BMPER: variants seen among roughly 807,000 people sequenced by gnomAD.
The protein encoded by BMPER is BMP binding endothelial regulator.
BMPER carries 45 observed loss-of-function variants against 87.3 expected under a neutral mutation model. That is an observed-to-expected ratio of 0.52 (90% CI 0.41 to 0.66). The LOEUF (loss-of-function observed/expected upper bound fraction) is 0.66, where lower values mean the gene tolerates loss of function less well. BMPER is among the 30% of genes least tolerant of loss of function. The pLI, the probability that BMPER is intolerant of heterozygous loss-of-function variation, is 0.00. For missense variants in BMPER, 784 were observed against 867.5 expected (o/e 0.90, Z 1.21); for synonymous variants, 326 against 316.2 (o/e 1.03, Z -0.33).
chr7:34,143,865 AT>A (rs1191784431), intron 14 of BMPER, among the ~76,000 whole-genome samples: 1 of 152,176 alleles, frequency 6.6e-6, no homozygotes, highest in Non-Finnish European at 1.5e-5. Flanking sequence ...GTAAAATGGA[AT>A]TCTTTATTCA....
At chr7:34,058,232 A>G (rs775116986) in intron 10 of BMPER, 69 bp downstream of exon 10, 126 of 1,425,368 alleles carry the variant, frequency 8.8e-5, no homozygotes, top group Non-Finnish European at 1.2e-4. Flanking sequence ...GCACAGTCGC[A>G]TGCCATCTTC....
Position 34,153,584 on chromosome 7 carries a change from G to C in BMPER, c.*311G>C. On this transcript the variant is annotated 3_prime_UTR_variant, in exon 15 of 15. Transcript: ENST00000649409. The stretch of plus-strand genomic sequence containing the variant: ...AATAAGGTGGCATGCAGATACATTG[G>C]ATAGTGTTAACATCACATACATTTG... 3 of 309,562 alleles carry C rather than the reference G, an allele frequency of 9.7e-6. No individual in the cohort carries two copies. In the South Asian group the frequency reaches 1.1e-4, roughly 11 times the overall value. 19.2% of individuals were successfully genotyped at this position (309,562 alleles called of 1,614,324 possible).
At chr7:33,905,767 G>GGGGGGGGGGGC in intron 1 of BMPER, 21 bp downstream of exon 1, 1 of 914,082 alleles carries the variant, frequency 1.1e-6, no homozygotes, top group Non-Finnish European at 1.7e-6. Context: ...GGGCGGGAGG[G>GGGGGGGGGGGC]ACCGGCCCTC....
At chr7:34,103,440 C>T (rs1393615719) in intron 13 of BMPER, among the ~76,000 whole-genome samples, 1 of 152,154 alleles carries the variant, frequency 6.6e-6, no homozygotes, top group African/African-American at 2.4e-5. Context: ...GGGAGCGATA[C>T]ATTACCCCTC....
chr7:34,111,694 A>C (rs1373728077), intron 13 of BMPER, among the ~76,000 whole-genome samples: 7 of 152,180 alleles, frequency 4.6e-5, no homozygotes, highest in African/African-American at 1.4e-4. Flanking sequence ...ATCAATTCTG[A>C]AATGAATCTA....
intron 6 of BMPER, among the ~76,000 whole-genome samples, chr7:34,015,310 A>G (rs1017985428): frequency 2.0e-5 from 3 of 151,984 alleles, no homozygotes; most frequent in African/African-American, 7.2e-5. Flanking sequence ...AATAATAATA[A>G]TACTTCACAG....
chr7:33,919,499 C>T (rs1022100609), intron 2 of BMPER, among the ~76,000 whole-genome samples: 1 of 152,154 alleles, frequency 6.6e-6, no homozygotes, highest in Non-Finnish European at 1.5e-5. Context: ...TTCTGTATAT[C>T]CTCAAGACCC....
chr7:34,137,824 T>C (rs1790758623), intron 13 of BMPER, among the ~76,000 whole-genome samples: 1 of 152,220 alleles, frequency 6.6e-6, no homozygotes, highest in African/African-American at 2.4e-5. Context: ...AAAAGTAGGC[T>C]GAAGTCTAGG....
intron 13 of BMPER, among the ~76,000 whole-genome samples, chr7:34,098,358 T>C (rs12701344): frequency 0.98 from 148,919 of 152,204 alleles, 72,955 homozygotes; most frequent in East Asian, 1. Flanking sequence ...GGCCCATGCA[T>C]CCAGAACAGC....
At chr7:33,946,567 G>A (rs930620512) in intron 3 of BMPER, among the ~76,000 whole-genome samples, 7 of 152,130 alleles carry the variant, frequency 4.6e-5, no homozygotes, top group African/African-American at 1.7e-4. Flanking sequence ...ACTTGTTAAG[G>A]TACCAGTTTC....
intron 2 of BMPER, among the ~76,000 whole-genome samples, chr7:33,928,575 A>G (rs1784412796): frequency 7.0e-6 from 1 of 141,902 alleles, no homozygotes; most frequent in Non-Finnish European, 1.5e-5. Flanking sequence ...TCAGACTTCT[A>G]CTTGAGCAGC....
At chr7:34,090,874 C>T (rs570663402) in intron 13 of BMPER, among the ~76,000 whole-genome samples, 1 of 152,312 alleles carries the variant, frequency 6.6e-6, no homozygotes, top group East Asian at 1.9e-4. Context: ...TATCATTCAC[C>T]AGAGCGAAAA....
intron 13 of BMPER, among the ~76,000 whole-genome samples, chr7:34,129,293 G>T (rs755319881): frequency 6.6e-6 from 1 of 151,966 alleles, no homozygotes; most frequent in Non-Finnish European, 1.5e-5. Flanking sequence ...ATAAGGTCAG[G>T]AGTTTGAGAC....
intron 13 of BMPER, among the ~76,000 whole-genome samples, chr7:34,134,774 T>C (rs953862931): frequency 3.2e-4 from 49 of 152,332 alleles, no homozygotes; most frequent in African/African-American, 1.0e-3. Flanking sequence ...TATGGCCTTA[T>C]CAAGGGAGAA....
At chr7:34,097,477 G>C (rs1038103231) in intron 13 of BMPER, among the ~76,000 whole-genome samples, 3 of 152,132 alleles carry the variant, frequency 2.0e-5, no homozygotes, top group African/African-American at 7.2e-5. Context: ...GTAAAGCTCA[G>C]GACTCTTCAT....
intron 13 of BMPER, among the ~76,000 whole-genome samples, chr7:34,120,671 T>C (rs1462712850): frequency 1.3e-5 from 2 of 152,208 alleles, no homozygotes; most frequent in Non-Finnish European, 2.9e-5. Flanking sequence ...GTGCTGGGAT[T>C]ACAGGTGAGA....
At chr7:34,075,165 A>C (rs1788831773) in intron 11 of BMPER, among the ~76,000 whole-genome samples, 1 of 152,228 alleles carries the variant, frequency 6.6e-6, no homozygotes, top group South Asian at 2.1e-4. Context: ...GGAGAAAAGT[A>C]TTGGCACTAT....
intron 6 of BMPER, among the ~76,000 whole-genome samples, chr7:34,024,236 TAATCCC>T (rs1787277560): frequency 6.7e-6 from 1 of 149,232 alleles, no homozygotes; most frequent in Non-Finnish European, 1.5e-5. Flanking sequence ...CACGTGCCTG[TAATCCC>T]AGCTACTGGG....
At chr7:34,049,139 A>G (rs1042972543) in intron 7 of BMPER, among the ~76,000 whole-genome samples, 2 of 152,144 alleles carry the variant, frequency 1.3e-5, no homozygotes, top group Admixed American at 6.6e-5. Context: ...TGTTTTCCTC[A>G]TTCTCAATGG....
Sources: gnomAD v4.1 joint callset for allele counts (sites outside exome capture counted in the v4.1 genomes callset) on GRCh38, gnomAD v4.1.1 for gene constraint, MANE v1.5 for transcripts, NCBI Gene and HGNC (gene_info 2026-07-23, HGNC 2026-07-21) for gene names.